SLIT3: variants seen among roughly 807,000 people sequenced by gnomAD.
The protein encoded by SLIT3 is slit homolog 3 protein.
In SLIT3, 68 loss-of-function variants were observed where a neutral mutation model predicts 184.0. The observed-to-expected ratio is 0.37, with a 90% CI of 0.30 to 0.45. SLIT3 has a LOEUF of 0.45. Ranked by LOEUF, SLIT3 falls within the 20% of genes least tolerant of loss-of-function variation. SLIT3 has a pLI of 1.00. For missense variants in SLIT3, 1,707 were observed against 2,026.0 expected (o/e 0.84, Z 3.02); for synonymous variants, 831 against 828.6 (o/e 1.00, Z -0.05).
At chr5:168,923,394 A>G (rs1223596967) in intron 4 of SLIT3, among the ~76,000 whole-genome samples, 1 of 151,918 alleles carries the variant, frequency 6.6e-6, no homozygotes, top group Non-Finnish European at 1.5e-5. Context: ...ATCCTCCCCC[A>G]AGCTACCATC....
At chr5:169,160,804 G>A (rs2113391345) in intron 4 of SLIT3, among the ~76,000 whole-genome samples, 1 of 152,300 alleles carries the variant, frequency 6.6e-6, no homozygotes, top group African/African-American at 2.4e-5. Context: ...ACCACGTGAA[G>A]CCCATTCTCC....
At chr5:168,978,937 G>C (rs1012699123) in intron 4 of SLIT3, among the ~76,000 whole-genome samples, 2 of 145,416 alleles carry the variant, frequency 1.4e-5, no homozygotes, top group African/African-American at 5.1e-5. Flanking sequence ...TGGGGGTGGG[G>C]TGGCTGGGGT....
chr5:169,104,215 T>A (rs1032982196), intron 4 of SLIT3, among the ~76,000 whole-genome samples: 1 of 152,138 alleles, frequency 6.6e-6, no homozygotes, highest in Non-Finnish European at 1.5e-5. Context: ...GGTGCACCCA[T>A]GAAGCCGCGC....
chr5:168,768,251 T>A (rs1398953072), intron 14 of SLIT3: 1 of 509,736 alleles, frequency 2.0e-6, no homozygotes, highest in Non-Finnish European at 4.1e-6. Flanking sequence ...CCGCAGCGAC[T>A]GGTCAGAGTC....
At chr5:169,268,321 G>A (rs1329760474) in intron 1 of SLIT3, among the ~76,000 whole-genome samples, 2 of 152,124 alleles carry the variant, frequency 1.3e-5, no homozygotes, top group African/African-American at 4.8e-5. Flanking sequence ...CGAGTGACAC[G>A]CAGGAAATCA....
At chr5:169,130,234 T>C (rs1046809553) in intron 4 of SLIT3, among the ~76,000 whole-genome samples, 3 of 152,228 alleles carry the variant, frequency 2.0e-5, no homozygotes, top group Non-Finnish European at 2.9e-5. Context: ...GTACTCTCTG[T>C]ACTATCTCTA....
intron 3 of SLIT3, among the ~76,000 whole-genome samples, chr5:169,231,308 C>A (rs1764993347): frequency 6.6e-6 from 1 of 152,154 alleles, no homozygotes; most frequent in African/African-American, 2.4e-5. Context: ...GAAACCTCTA[C>A]CCAGATCAAG....
At chr5:169,172,858 T>TG (rs1462576921) in intron 4 of SLIT3, among the ~76,000 whole-genome samples, 1 of 152,200 alleles carries the variant, frequency 6.6e-6, no homozygotes, top group African/African-American at 2.4e-5. Flanking sequence ...GTCTCGGAGT[T>TG]GGAGTATGGC....
intron 4 of SLIT3, among the ~76,000 whole-genome samples, chr5:168,908,302 C>T (rs1159578721): frequency 6.6e-6 from 1 of 151,996 alleles, no homozygotes; most frequent in Non-Finnish European, 1.5e-5. Flanking sequence ...GTAGACGAGT[C>T]ACCTGGGTCG....
At chr5:169,216,207 AG>A (rs1441580630) in intron 3 of SLIT3, among the ~76,000 whole-genome samples, 2 of 152,144 alleles carry the variant, frequency 1.3e-5, no homozygotes, top group Non-Finnish European at 2.9e-5. Context: ...CTGTGCCACC[AG>A]CCAGGGGTCA....
At chr5:169,049,556 G>A (rs951673830) in intron 4 of SLIT3, among the ~76,000 whole-genome samples, 1 of 152,200 alleles carries the variant, frequency 6.6e-6, no homozygotes, top group Non-Finnish European at 1.5e-5. Flanking sequence ...CTGAAATGTA[G>A]AGAGCGCTGT....
intron 17 of SLIT3, 44 bp downstream of exon 17, chr5:168,753,820 G>C (rs760139226): frequency 7.5e-6 from 12 of 1,589,494 alleles, no homozygotes; most frequent in Non-Finnish European, 1.0e-5. Flanking sequence ...CTGCCCTCCC[G>C]TCTCCCTCTG....
intron 26 of SLIT3, among the ~76,000 whole-genome samples, chr5:168,704,895 G>A (rs1341113192): frequency 6.6e-6 from 1 of 152,134 alleles, no homozygotes; most frequent in Non-Finnish European, 1.5e-5. Context: ...CTGTTTGGGC[G>A]GGCTCTAACC....
At chr5:168,807,427 C>T (rs950939279) in intron 8 of SLIT3, among the ~76,000 whole-genome samples, 4 of 152,202 alleles carry the variant, frequency 2.6e-5, no homozygotes, top group Admixed American at 6.5e-5. Context: ...ACATTGTAAA[C>T]ATTTGCATGC....
intron 4 of SLIT3, among the ~76,000 whole-genome samples, chr5:169,165,508 C>T (rs73315678): frequency 0.068 from 10,411 of 152,238 alleles, 1,268 homozygotes; most frequent in African/African-American, 0.24. Context: ...ATTCTAAGTG[C>T]GTTACATTTA....
intron 5 of SLIT3, among the ~76,000 whole-genome samples, chr5:168,879,466 C>A: frequency 6.6e-6 from 1 of 152,126 alleles, no homozygotes; most frequent in South Asian, 2.1e-4. Context: ...TTTCCATGTG[C>A]CGATGCATAT....
intron 3 of SLIT3, among the ~76,000 whole-genome samples, chr5:169,208,288 A>G (rs531232923): frequency 1.6e-4 from 24 of 152,340 alleles, no homozygotes; most frequent in Non-Finnish European, 1.6e-4. Context: ...ATCCATGAGC[A>G]TGGAATGTTT....
chr5:168,785,093 T>C (rs927981800), intron 12 of SLIT3, among the ~76,000 whole-genome samples: 6 of 150,360 alleles, frequency 4.0e-5, no homozygotes, highest in African/African-American at 1.5e-4. Flanking sequence ...GTTCCTAACA[T>C]CCAGAAGAAC....
At chr5:169,114,888 T>G (rs1441176694) in intron 4 of SLIT3, among the ~76,000 whole-genome samples, 2 of 152,194 alleles carry the variant, frequency 1.3e-5, no homozygotes, top group African/African-American at 4.8e-5. Context: ...CGATGGCAAT[T>G]TTCCAGCTAA....
Sources: gnomAD v4.1 joint callset for allele counts (sites outside exome capture counted in the v4.1 genomes callset) on GRCh38, gnomAD v4.1.1 for gene constraint, MANE v1.5 for transcripts, NCBI Gene and HGNC (gene_info 2026-07-23, HGNC 2026-07-21) for gene names.